GORASP2: variants seen among roughly 807,000 people sequenced by gnomAD.
GORASP2 encodes golgi reassembly stacking protein 2, also known as Golgi reassembly-stacking protein 2.
In GORASP2, 22 loss-of-function variants were observed where a neutral mutation model predicts 45.7. The ratio of observed to expected loss-of-function variants is 0.48; its 90% CI spans 0.34 to 0.69. The LOEUF (loss-of-function observed/expected upper bound fraction) is 0.69, where lower values mean the gene tolerates loss of function less well. Ranked by LOEUF, GORASP2 falls within the 30% of genes least tolerant of loss-of-function variation. The probability of loss-of-function intolerance (pLI) is 0.01; values close to 1 mark genes in which losing one functional copy is unlikely to be tolerated. For synonymous variants in GORASP2, 221 were observed against 215.6 expected, an observed-to-expected ratio of 1.02 and a Z score of -0.22; for missense variants, 491 against 562.7, an observed-to-expected ratio of 0.87 and a Z score of 1.29.
chr2:170,931,497 G>C (rs1414643553), intron 1 of GORASP2, among the ~76,000 whole-genome samples: 1 of 152,094 alleles, frequency 6.6e-6, no homozygotes, highest in African/African-American at 2.4e-5. Flanking sequence ...GGAAAATTTT[G>C]AATAAAATCA....
intron 5 of GORASP2, 132 bp downstream of exon 5, chr2:170,951,590 G>C: frequency 5.5e-6 from 4 of 733,220 alleles, no homozygotes; most frequent in Non-Finnish European, 8.6e-6. Flanking sequence ...AAAGGGAAGA[G>C]CTAGTCTAGA....
intron 7 of GORASP2, among the ~76,000 whole-genome samples, chr2:170,956,900 T>A (rs779648623): frequency 5.3e-5 from 8 of 151,962 alleles, no homozygotes; most frequent in African/African-American, 1.7e-4. Flanking sequence ...GTCGACAGAG[T>A]GAAAAATTTA....
chr2:170,950,574 G>A (rs1332114079), intron 4 of GORASP2, among the ~76,000 whole-genome samples: 1 of 152,132 alleles, frequency 6.6e-6, no homozygotes, highest in Non-Finnish European at 1.5e-5. Flanking sequence ...ATTTTCAATT[G>A]TTCATTGATT....
chr2:170,952,893 C>G (rs73025266), intron 5 of GORASP2, among the ~76,000 whole-genome samples: 5,245 of 152,304 alleles, frequency 0.034, 139 homozygotes, highest in African/African-American at 0.071. Flanking sequence ...CCAGGCTAGT[C>G]TTGAACTCTT....
At position 170,961,762 on chromosome 2, in the gene GORASP2, G is replaced by C; in HGVS notation, c.910+13G>C. ...ACTACATTACCAGGTAACCACCAGG[G>C]GACTAGAGATGTGGCTGATAATAAC... is the stretch of plus-strand genomic sequence containing the variant. On this transcript the variant is annotated intron_variant, in intron 8 of 9. Transcript: ENST00000234160. The C allele has an allele frequency of 7.5e-7, 1 of 1,340,838 alleles. No individual in the cohort carries two copies. Among genetic ancestry groups the C allele is most frequent in the Non-Finnish European group, 1.1e-6 (1 of 930,204 alleles). 83.1% of individuals were successfully genotyped at this position (1,340,838 alleles called of 1,614,324 possible). A position where few individuals can be genotyped will look rare whatever the true frequency, so the allele number is the denominator to read the frequency against.
At chr2:170,936,693 C>T (rs1559307642) in intron 1 of GORASP2, 1 of 1,242,974 alleles carries the variant, frequency 8.0e-7, no homozygotes, top group Non-Finnish European at 1.1e-6. Flanking sequence ...ATGGTGTGCA[C>T]CTGTAATCCC....
chr2:170,956,369 C>T, intron 6 of GORASP2, 67 bp from the exon 7 acceptor site: 2 of 1,402,658 alleles, frequency 1.4e-6, no homozygotes, highest in Non-Finnish European at 9.7e-7. Flanking sequence ...CAAGTAAGAG[C>T]CAATATTTAT....
upstream of GORASP2, chr2:170,929,100 C>T (rs1336460366): frequency 3.1e-5 from 12 of 387,230 alleles, no homozygotes; most frequent in South Asian, 1.1e-4. Flanking sequence ...CCCTCCCTCT[C>T]CGCCCTCCCG....
At chr2:170,929,189 G>A (rs1224309810), upstream of GORASP2, 5 of 525,706 alleles carry the variant, frequency 9.5e-6, no homozygotes, top group Non-Finnish European at 1.5e-5. Flanking sequence ...CCGGGCTGCA[G>A]CAGAGACGAT....
At chr2:170,952,551 A>G (rs1271858557) in intron 5 of GORASP2, among the ~76,000 whole-genome samples, 1 of 152,142 alleles carries the variant, frequency 6.6e-6, no homozygotes, top group South Asian at 2.1e-4. Flanking sequence ...CCTCAAGTGC[A>G]TTGTCTATTA....
At chr2:170,962,538 C>T (rs911593415) in intron 8 of GORASP2, among the ~76,000 whole-genome samples, 9 of 152,196 alleles carry the variant, frequency 5.9e-5, no homozygotes, top group African/African-American at 2.2e-4. Context: ...AACAAATCAG[C>T]CTTTTCTCCA....
At chr2:170,959,537 G>A (rs1364523336) in intron 7 of GORASP2, among the ~76,000 whole-genome samples, 2 of 152,166 alleles carry the variant, frequency 1.3e-5, no homozygotes, top group Non-Finnish European at 2.9e-5. Flanking sequence ...AAATGTTCTA[G>A]CATCACAACA....
At chr2:170,960,129 T>TC (rs1416242860) in intron 7 of GORASP2, among the ~76,000 whole-genome samples, 2 of 152,138 alleles carry the variant, frequency 1.3e-5, no homozygotes, top group African/African-American at 4.8e-5. Context: ...CCCAAGTGTA[T>TC]CACCATTTTA....
At position 170,966,037 on chromosome 2, in the gene GORASP2, C is replaced by A; in HGVS notation, c.1266C>A (p.Pro422=). ...TGACGCCCCCCACTGCCAAGGCCCC[C>A]ACCACCGTTGAGGACAGAGTCGGCG... is the stretch of plus-strand genomic sequence containing the variant. ...VDVTPPTAKA[P]TTVEDRVGDS... is the part of the protein sequence containing the mutation. The change falls in exon 10 of 10, where the codon CCC becomes CCA. Residue 422 remains proline, a synonymous_variant. Transcript: ENST00000234160. 1 of 1,613,974 alleles carries A rather than the reference C, an allele frequency of 6.2e-7. No individual in the cohort carries two copies. Among genetic ancestry groups the A allele is most frequent in the Non-Finnish European group, 8.5e-7 (1 of 1,179,890 alleles).
intron 7 of GORASP2, among the ~76,000 whole-genome samples, chr2:170,957,014 C>G (rs1704442195): frequency 6.6e-6 from 1 of 152,154 alleles, no homozygotes; most frequent in Non-Finnish European, 1.5e-5. Context: ...TTGACAGGTC[C>G]TGGCTGTGAA....
At chr2:170,945,743 AAAT>A (rs1704168363) in intron 1 of GORASP2, among the ~76,000 whole-genome samples, 1 of 152,222 alleles carries the variant, frequency 6.6e-6, no homozygotes. Flanking sequence ...AATTTGGCGT[AAAT>A]AAAAGGTAAC....
chr2:170,950,060 C>T, intron 3 of GORASP2, 144 bp from the exon 4 acceptor site: 1 of 560,516 alleles, frequency 1.8e-6, no homozygotes, highest in Non-Finnish European at 3.2e-6. Context: ...AAAATATATT[C>T]TGTAGTTTCT....
At chr2:170,945,360 G>A (rs1385888111) in intron 1 of GORASP2, among the ~76,000 whole-genome samples, 3 of 148,888 alleles carry the variant, frequency 2.0e-5, no homozygotes, top group Non-Finnish European at 2.9e-5. Flanking sequence ...AATCAGCTGC[G>A]TGTGGTGGTG....
In GORASP2 at chr2:170,935,077, T is replaced by C. The variant is rs544634715; in HGVS notation, c.63+5674T>C. Among the ~76,000 whole-genome samples, 6 of 152,306 alleles carry C rather than the reference T, an allele frequency of 3.9e-5. No homozygotes were observed. In the East Asian group the frequency reaches 1.2e-3, roughly 29 times the overall value. ...TCTAATAAAAGGCCCAGAAGTTGTTTAATAAACATTCTTTTAAATTGCTTT... is the reference window on the plus strand; with the variant it reads ...TCTAATAAAAGGCCCAGAAGTTGTTCAATAAACATTCTTTTAAATTGCTTT... On this transcript the variant is annotated intron_variant, in intron 1 of 9. Coordinates refer to ENST00000234160, the MANE Select transcript of GORASP2 (RefSeq NM_015530.5).
Sources: gnomAD v4.1 joint callset for allele counts (sites outside exome capture counted in the v4.1 genomes callset) on GRCh38, gnomAD v4.1.1 for gene constraint, MANE v1.5 for transcripts, NCBI Gene and HGNC (gene_info 2026-07-23, HGNC 2026-07-21) for gene names.